KCNMA1: variants seen among roughly 807,000 people sequenced by gnomAD.
The protein encoded by KCNMA1 is Calcium-activated potassium channel subunit alpha-1.
Under a neutral mutation model 140.0 loss-of-function variants are expected in KCNMA1, and 29 were observed. The ratio of observed to expected loss-of-function variants is 0.21; its 90% CI spans 0.15 to 0.28. The LOEUF is 0.28. Ranked by LOEUF, KCNMA1 falls within the 10% of genes least tolerant of loss-of-function variation. The probability of loss-of-function intolerance (pLI) is 1.00; values close to 1 mark genes in which losing one functional copy is unlikely to be tolerated. For missense variants in KCNMA1, 880 were observed against 1,602.2 expected, an observed-to-expected ratio of 0.55 and a Z score of 7.70; for synonymous variants, 612 against 611.9, an observed-to-expected ratio of 1.00 and a Z score of 0.00.
rs2619628 is a variant in KCNMA1, at chr10:77,611,915, C to G, written c.378+25350G>C. On this transcript the variant is annotated intron_variant, in intron 1 of 27. Coordinates refer to ENST00000286628, the MANE Select transcript of KCNMA1 (RefSeq NM_001161352.2). ...CTGATCATAAGTCCAAAGAGGAGTT[C>G]ATAATCTAATCAGCAAGGCAAGATC... Among the ~76,000 whole-genome samples, 6 of 152,096 alleles carry G rather than the reference C, an allele frequency of 3.9e-5. No homozygotes were observed. The East Asian group carries it at 9.7e-4, about 25-fold the overall frequency.
chr10:77,384,308 C>T (rs1049306632), intron 2 of KCNMA1, among the ~76,000 whole-genome samples: 1 of 152,212 alleles, frequency 6.6e-6, no homozygotes. Context: ...AATAAATAAA[C>T]ACATTCCTAC....
chr10:77,240,090 C>T (rs549221828), intron 3 of KCNMA1, among the ~76,000 whole-genome samples: 1 of 152,282 alleles, frequency 6.6e-6, no homozygotes, highest in Non-Finnish European at 1.5e-5. Context: ...ATTTGGGCCT[C>T]TCTTCTTATA....
At chr10:77,123,175 G>T (rs1387959175) in intron 5 of KCNMA1, among the ~76,000 whole-genome samples, 1 of 61,388 alleles carries the variant, frequency 1.6e-5, no homozygotes, top group Non-Finnish European at 2.7e-5. Flanking sequence ...GCGAGACTCC[G>T]TCTCAAAAAA....
At chr10:77,448,474 C>A (rs2097569220) in intron 1 of KCNMA1, among the ~76,000 whole-genome samples, 1 of 152,164 alleles carries the variant, frequency 6.6e-6, no homozygotes, top group South Asian at 2.1e-4. Flanking sequence ...TTCCTCACCA[C>A]AATCTTACAA....
intron 1 of KCNMA1, among the ~76,000 whole-genome samples, chr10:77,445,498 G>A (rs2097511554): frequency 6.6e-6 from 1 of 152,020 alleles, no homozygotes; most frequent in African/African-American, 2.4e-5. Flanking sequence ...AAGGTCCAAG[G>A]TCCTTTAATG....
At chr10:77,260,707 T>G (rs529127394) in intron 2 of KCNMA1, among the ~76,000 whole-genome samples, 14 of 151,868 alleles carry the variant, frequency 9.2e-5, no homozygotes, top group Non-Finnish European at 1.9e-4. Context: ...AGACTCCATC[T>G]CAAAAAACAA....
At chr10:77,566,469 G>A (rs2068360396) in intron 1 of KCNMA1, among the ~76,000 whole-genome samples, 1 of 152,224 alleles carries the variant, frequency 6.6e-6, no homozygotes, top group Admixed American at 6.5e-5. Context: ...GGCCAGTGAT[G>A]TCATCAGCAA....
At chr10:77,507,278 G>C (rs117280493) in intron 1 of KCNMA1, among the ~76,000 whole-genome samples, 2,630 of 112,362 alleles carry the variant, frequency 0.023, 27 homozygotes, top group Non-Finnish European at 0.032. Flanking sequence ...ATGTTCATGA[G>C]GAAGAAGGTA....
chr10:76,917,414 G>A (rs1206977284), intron 23 of KCNMA1, among the ~76,000 whole-genome samples: 1 of 152,130 alleles, frequency 6.6e-6, no homozygotes, highest in Non-Finnish European at 1.5e-5. Context: ...CTCGCAACAA[G>A]CCACGGCATC....
At chr10:77,060,590 T>C (rs2095706527) in intron 14 of KCNMA1, among the ~76,000 whole-genome samples, 2 of 152,174 alleles carry the variant, frequency 1.3e-5, no homozygotes, top group South Asian at 2.1e-4. Flanking sequence ...CATTGGGACA[T>C]GTGAGTTGCT....
At chr10:77,310,542 T>G (rs141512818) in intron 2 of KCNMA1, among the ~76,000 whole-genome samples, 2 of 152,230 alleles carry the variant, frequency 1.3e-5, no homozygotes, top group African/African-American at 2.4e-5. Flanking sequence ...TGTTCAAGGA[T>G]GCAATAACAG....
At chr10:77,572,797 T>C (rs2072173982) in intron 1 of KCNMA1, among the ~76,000 whole-genome samples, 1 of 150,154 alleles carries the variant, frequency 6.7e-6, no homozygotes, top group Non-Finnish European at 1.5e-5. Context: ...ACTGCAAATA[T>C]ATCTCCAGCT....
intron 1 of KCNMA1, among the ~76,000 whole-genome samples, chr10:77,462,644 G>T (rs947382035): frequency 2.0e-5 from 3 of 152,228 alleles, no homozygotes; most frequent in Non-Finnish European, 4.4e-5. Context: ...CCTGGAAGAT[G>T]TAAGGTCCCT....
intron 2 of KCNMA1, among the ~76,000 whole-genome samples, chr10:77,253,837 C>T (rs1182020755): frequency 6.6e-6 from 1 of 152,166 alleles, no homozygotes; most frequent in Non-Finnish European, 1.5e-5. Flanking sequence ...TAACTGTGCA[C>T]GTAGTCTTGA....
chr10:77,514,558 A>C (rs816840), intron 1 of KCNMA1, among the ~76,000 whole-genome samples: 92,974 of 152,068 alleles, frequency 0.61, 29,458 homozygotes, highest in East Asian at 0.79. Context: ...AGGCTTCCCA[A>C]CTACTGAAAA....
At chr10:76,968,695 T>A (rs1056598269) in intron 20 of KCNMA1, among the ~76,000 whole-genome samples, 1 of 152,178 alleles carries the variant, frequency 6.6e-6, no homozygotes, top group Admixed American at 6.5e-5. Context: ...TAAACAAGCA[T>A]GCAAATCAGC....
At chr10:77,052,890 G>GGA (rs2095420109) in intron 14 of KCNMA1, among the ~76,000 whole-genome samples, 1 of 152,122 alleles carries the variant, frequency 6.6e-6, no homozygotes, top group African/African-American at 2.4e-5. Context: ...TTTGGGAGGA[G>GGA]GAGACTCATC....
At chr10:77,392,107 G>T (rs988110096) in intron 2 of KCNMA1, among the ~76,000 whole-genome samples, 1 of 143,670 alleles carries the variant, frequency 7.0e-6, no homozygotes, top group Non-Finnish European at 1.5e-5. Flanking sequence ...AGGAGGGAGG[G>T]AAGGACGGAG....
chr10:77,332,297 C>T (rs1023579774), intron 2 of KCNMA1, among the ~76,000 whole-genome samples: 1 of 152,082 alleles, frequency 6.6e-6, no homozygotes, highest in Non-Finnish European at 1.5e-5. Context: ...GCAAAAAATC[C>T]ATTTGTAAAC....
Sources: gnomAD v4.1 joint callset for allele counts (sites outside exome capture counted in the v4.1 genomes callset) on GRCh38, gnomAD v4.1.1 for gene constraint, MANE v1.5 for transcripts, NCBI Gene and HGNC (gene_info 2026-07-23, HGNC 2026-07-21) for gene names.